CSMD1: variants seen among roughly 807,000 people sequenced by gnomAD.
The protein encoded by CSMD1 is CUB and sushi domain-containing protein 1.
Under a neutral mutation model 417.5 loss-of-function variants are expected in CSMD1, and 213 were observed. The observed-to-expected ratio is 0.51, with a 90% confidence interval of 0.46 to 0.57. CSMD1 has a LOEUF of 0.57. Among genes scored for constraint, CSMD1 ranks in the 20% least tolerant of loss-of-function variants. The pLI is 0.00. For missense variants in CSMD1, 6,923 were observed against 4,529.7 expected (o/e 1.53, Z -15.17); for synonymous variants, 2,862 against 1,736.8 (o/e 1.65, Z -16.11).
chr8:4,379,245 C>A (rs939287895), intron 3 of CSMD1, among the ~76,000 whole-genome samples: 1 of 152,210 alleles, frequency 6.6e-6, no homozygotes, highest in South Asian at 2.1e-4. Flanking sequence ...AAAGCCTCAA[C>A]ATGTGGGACT....
At chr8:3,163,120 G>C (rs923207949) in intron 37 of CSMD1, among the ~76,000 whole-genome samples, 3 of 152,156 alleles carry the variant, frequency 2.0e-5, no homozygotes, top group Admixed American at 2.0e-4. Flanking sequence ...GTACAGCATT[G>C]GATGTTGATG....
chr8:4,750,460 C>G (rs372379421), intron 1 of CSMD1, among the ~76,000 whole-genome samples: 1 of 152,072 alleles, frequency 6.6e-6, no homozygotes, highest in Admixed American at 6.6e-5. Context: ...TAAATAATAT[C>G]TAAAACTCTT....
chr8:4,977,607 A>G (rs1405787810), intron 1 of CSMD1, among the ~76,000 whole-genome samples: 1 of 152,176 alleles, frequency 6.6e-6, no homozygotes, highest in Non-Finnish European at 1.5e-5. Context: ...CACTCTCCTG[A>G]ACACGCACCC....
At chr8:4,956,407 AGAT>A (rs1384125992) in intron 1 of CSMD1, among the ~76,000 whole-genome samples, 6 of 149,838 alleles carry the variant, frequency 4.0e-5, no homozygotes, top group Admixed American at 3.3e-4. Flanking sequence ...TACATTTTCA[AGAT>A]ATTATAAAAT....
intron 5 of CSMD1, among the ~76,000 whole-genome samples, chr8:3,790,572 A>AT (rs905234182): frequency 1.3e-4 from 20 of 151,934 alleles, no homozygotes; most frequent in East Asian, 3.9e-4. Context: ...AACAATCATA[A>AT]TTTTTTTTTA....
At chr8:3,718,103 T>C (rs1056249933) in intron 6 of CSMD1, among the ~76,000 whole-genome samples, 3 of 152,250 alleles carry the variant, frequency 2.0e-5, no homozygotes, top group Admixed American at 6.5e-5. Context: ...TTTATTAACA[T>C]TTAAAATAAT....
chr8:4,201,720 T>C (rs911988730), intron 3 of CSMD1, among the ~76,000 whole-genome samples: 16 of 151,930 alleles, frequency 1.1e-4, no homozygotes, highest in East Asian at 1.9e-4. Flanking sequence ...CTAGGAAAAA[T>C]AGTTTGAAAA....
At chr8:3,276,263 G>A (rs1802282917) in intron 26 of CSMD1, among the ~76,000 whole-genome samples, 1 of 151,728 alleles carries the variant, frequency 6.6e-6, no homozygotes, top group African/African-American at 2.4e-5. Flanking sequence ...CCCACTTGAG[G>A]AGGCAGTCTT....
intron 8 of CSMD1, among the ~76,000 whole-genome samples, chr8:3,591,944 C>T (rs545432784): frequency 2.2e-4 from 33 of 151,796 alleles, no homozygotes; most frequent in African/African-American, 8.0e-4. Context: ...GATAGATACA[C>T]AGATGCATGG....
At chr8:3,248,131 C>T (rs111433692) in intron 26 of CSMD1, among the ~76,000 whole-genome samples, 13,369 of 152,158 alleles carry the variant, frequency 0.088, 788 homozygotes, top group Non-Finnish European at 0.12. Context: ...AGTTTGAGAC[C>T]AGCCTGGGCA....
chr8:3,537,338 A>C (rs1798246052), intron 10 of CSMD1, among the ~76,000 whole-genome samples: 1 of 152,056 alleles, frequency 6.6e-6, no homozygotes, highest in Non-Finnish European at 1.5e-5. Flanking sequence ...TATTCCTATC[A>C]CCTGTATGAG....
chr8:3,317,343 G>T (rs1295989136), intron 23 of CSMD1, among the ~76,000 whole-genome samples: 1 of 152,202 alleles, frequency 6.6e-6, no homozygotes, highest in Admixed American at 6.5e-5. Context: ...GAGTTTCACA[G>T]GGAAATTAGA....
chr8:3,824,311 G>A (rs952648187), intron 5 of CSMD1, among the ~76,000 whole-genome samples: 2 of 151,810 alleles, frequency 1.3e-5, no homozygotes, highest in East Asian at 1.9e-4. Context: ...GGGCACAACA[G>A]CCTAGGAATA....
At chr8:4,419,811 A>G (rs1797144967) in intron 3 of CSMD1, 142 bp downstream of exon 3, 1 of 525,010 alleles carries the variant, frequency 1.9e-6, no homozygotes, top group African/African-American at 1.9e-5. Flanking sequence ...ACCAAATGCC[A>G]TTGCATTACA....
At chr8:4,668,578 A>G (rs1805098994) in intron 1 of CSMD1, among the ~76,000 whole-genome samples, 2 of 151,304 alleles carry the variant, frequency 1.3e-5, no homozygotes, top group African/African-American at 4.9e-5. Context: ...GCCTCCAGAG[A>G]AGCTGGGAAT....
At chr8:3,421,999 C>A (rs771874628) in intron 12 of CSMD1, among the ~76,000 whole-genome samples, 22 of 151,840 alleles carry the variant, frequency 1.4e-4, no homozygotes, top group African/African-American at 4.8e-5. Flanking sequence ...AGAGCGTGAG[C>A]CACCGCGCCC....
intron 5 of CSMD1, among the ~76,000 whole-genome samples, chr8:3,989,262 C>T (rs745957420): frequency 3.3e-5 from 5 of 152,182 alleles, no homozygotes; most frequent in Non-Finnish European, 7.3e-5. Context: ...ACCTGCTCTA[C>T]GTCATCAAGC....
At chr8:3,402,023 C>G (rs1406189843) in intron 15 of CSMD1, among the ~76,000 whole-genome samples, 7 of 151,902 alleles carry the variant, frequency 4.6e-5, no homozygotes, top group African/African-American at 1.2e-4. Flanking sequence ...AAAATACACA[C>G]ACACACATAC....
At chr8:4,194,660 T>G (rs187353189) in intron 3 of CSMD1, among the ~76,000 whole-genome samples, 2 of 152,128 alleles carry the variant, frequency 1.3e-5, no homozygotes, top group Non-Finnish European at 2.9e-5. Flanking sequence ...AATAAAAACA[T>G]TTAATAAAAT....
Sources: allele counts gnomAD v4.1 joint callset (sites outside exome capture counted in the v4.1 genomes callset), GRCh38; gene constraint gnomAD v4.1.1; transcripts MANE v1.5; gene names NCBI Gene and HGNC (gene_info 2026-07-23, HGNC 2026-07-21).